The following GULP1 variants were observed in gnomAD, a reference collection of about 807,000 sequenced individuals.
GULP1 encodes GULP PTB domain containing engulfment adaptor 1, also known as PTB domain-containing engulfment adapter protein 1.
GULP1 carries 19 observed loss-of-function variants against 40.9 expected under a neutral mutation model. That is an observed-to-expected ratio of 0.46 (90% CI 0.32 to 0.68). The LOEUF (loss-of-function observed/expected upper bound fraction) is 0.68. Among genes scored for constraint, GULP1 ranks in the 30% least tolerant of loss-of-function variants. The pLI is 0.03. For synonymous variants in GULP1, 119 were observed against 117.6 expected, an observed-to-expected ratio of 1.01 and a Z score of -0.08; for missense variants, 312 against 362.2, an observed-to-expected ratio of 0.86 and a Z score of 1.12.
intron 2 of GULP1, among the ~76,000 whole-genome samples, chr2:188,409,243 C>T (rs995278649): frequency 6.6e-6 from 1 of 151,964 alleles, no homozygotes; most frequent in Non-Finnish European, 1.5e-5. Context: ...AACTAAAAAA[C>T]TCAAATAAAA....
At chr2:188,543,191 T>TA (rs1368774556) in intron 7 of GULP1, among the ~76,000 whole-genome samples, 17 of 151,388 alleles carry the variant, frequency 1.1e-4, no homozygotes, top group African/African-American at 3.9e-4. Context: ...TAAAGTATAA[T>TA]TAAAAAAATA....
At chr2:188,312,747 A>C (rs1430961260) in intron 1 of GULP1, among the ~76,000 whole-genome samples, 1 of 152,144 alleles carries the variant, frequency 6.6e-6, no homozygotes, top group Non-Finnish European at 1.5e-5. Flanking sequence ...GGTTGAACTA[A>C]TTTACATTCC....
intron 2 of GULP1, among the ~76,000 whole-genome samples, chr2:188,452,290 G>C (rs1213252420): frequency 1.3e-5 from 2 of 152,106 alleles, no homozygotes; most frequent in Non-Finnish European, 2.9e-5. Flanking sequence ...CAGAGAACTA[G>C]AAAAACCTGG....
chr2:188,494,496 C>T (rs976901322), intron 4 of GULP1, among the ~76,000 whole-genome samples: 7 of 151,938 alleles, frequency 4.6e-5, no homozygotes, highest in African/African-American at 1.4e-4. Flanking sequence ...AATGCTGACT[C>T]TCAATGTCTA....
chr2:188,515,741 G>T (rs1391417950), intron 4 of GULP1, among the ~76,000 whole-genome samples: 1 of 151,166 alleles, frequency 6.6e-6, no homozygotes, highest in African/African-American at 2.4e-5. Context: ...ACACTCATGA[G>T]GATAAAATCC....
chr2:188,457,650 G>A lies in GULP1; in HGVS notation c.-44-20009G>A, dbSNP rs138059167. Among the ~76,000 whole-genome samples the A allele has an allele frequency of 2.7e-3, 418 of 152,288 alleles. 1 individual carries two copies. The highest frequency in any genetic ancestry group is 0.024 in the Middle Eastern group (7 of 294). ...TGATAAGAAGAGGAACATAACTGAT[G>A]TAGTTTTTAAGGCTGGATCAGTTTC... On this transcript the variant is annotated intron_variant, in intron 2 of 11. Coordinates refer to ENST00000409830, the MANE Select transcript of GULP1 (RefSeq NM_016315.4).
At chr2:188,294,468 C>G (rs1034492806) in intron 1 of GULP1, 1 of 151,660 alleles carries the variant, frequency 6.6e-6, no homozygotes, top group African/African-American at 2.4e-5. Flanking sequence ...AACTCAAAGC[C>G]TTAACTGCAA....
intron 1 of GULP1, among the ~76,000 whole-genome samples, chr2:188,321,266 A>G (rs925774776): frequency 3.9e-5 from 6 of 152,130 alleles, no homozygotes; most frequent in Non-Finnish European, 7.4e-5. Context: ...ACCAATCTTT[A>G]TATCTGTAAT....
chr2:188,386,135 G>A (rs2049710432), intron 2 of GULP1, among the ~76,000 whole-genome samples: 1 of 152,146 alleles, frequency 6.6e-6, no homozygotes, highest in Admixed American at 6.6e-5. Flanking sequence ...AAAGAAAGCA[G>A]TTTAATGGAC....
intron 2 of GULP1, among the ~76,000 whole-genome samples, chr2:188,436,656 A>T (rs2057434671): frequency 6.6e-6 from 1 of 152,068 alleles, no homozygotes; most frequent in Non-Finnish European, 1.5e-5. Context: ...TTTATTTTTT[A>T]ACTTTTGACT....
intron 2 of GULP1, among the ~76,000 whole-genome samples, chr2:188,436,012 T>C (rs2057373905): frequency 6.6e-6 from 1 of 152,116 alleles, no homozygotes; most frequent in African/African-American, 2.4e-5. Flanking sequence ...TTTTGAGACC[T>C]TAATTATATC....
intron 2 of GULP1, among the ~76,000 whole-genome samples, chr2:188,438,391 T>C (rs946758612): frequency 6.6e-6 from 1 of 150,784 alleles, no homozygotes; most frequent in African/African-American, 2.4e-5. Context: ...ATATATTATG[T>C]ATGATACATT....
intron 3 of GULP1, among the ~76,000 whole-genome samples, chr2:188,480,568 G>A (rs2061368904): frequency 6.6e-6 from 1 of 151,888 alleles, no homozygotes; most frequent in South Asian, 2.1e-4. Flanking sequence ...AGATTCTGAA[G>A]AGTGCTGAAT....
chr2:188,464,492 T>G (rs551686117), intron 2 of GULP1, among the ~76,000 whole-genome samples: 1 of 152,294 alleles, frequency 6.6e-6, no homozygotes, highest in African/African-American at 2.4e-5. Context: ...TAAGGCCTGC[T>G]GTAAACCATT....
At chr2:188,592,759 A>G (rs981325233) in intron 11 of GULP1, 1 of 152,132 alleles carries the variant, frequency 6.6e-6, no homozygotes, top group East Asian at 1.9e-4. Flanking sequence ...GAACATTTAC[A>G]TAATTATTCT....
intron 1 of GULP1, chr2:188,294,035 A>T (rs1425243664): frequency 6.6e-6 from 1 of 152,262 alleles, no homozygotes; most frequent in Non-Finnish European, 1.5e-5. Flanking sequence ...CCAGGAGCAA[A>T]GTCTGAACTT....
At chr2:188,526,831 C>T (rs534804503) in intron 5 of GULP1, among the ~76,000 whole-genome samples, 1 of 152,074 alleles carries the variant, frequency 6.6e-6, no homozygotes, top group East Asian at 1.9e-4. Context: ...AATTACTAGG[C>T]CTAATTCCTA....
At chr2:188,420,248 C>T (rs564734112) in intron 2 of GULP1, among the ~76,000 whole-genome samples, 39 of 152,120 alleles carry the variant, frequency 2.6e-4, no homozygotes, top group African/African-American at 8.2e-4. Flanking sequence ...ATCAGAATTG[C>T]GTTGAATGTG....
At chr2:188,392,300 G>A (rs1057077473) in intron 2 of GULP1, among the ~76,000 whole-genome samples, 1 of 131,548 alleles carries the variant, frequency 7.6e-6, no homozygotes, top group African/African-American at 2.5e-5. Flanking sequence ...GTTTGTTCAG[G>A]GTTTTTATTT....
Sources: gnomAD v4.1 joint callset for allele counts (sites outside exome capture counted in the v4.1 genomes callset) on GRCh38, gnomAD v4.1.1 for gene constraint, MANE v1.5 for transcripts, NCBI Gene and HGNC (gene_info 2026-07-23, HGNC 2026-07-21) for gene names.